ZNF112: variants seen among roughly 807,000 people sequenced by gnomAD.
The protein encoded by ZNF112 is zinc finger protein 112 (Y14).
In ZNF112, 37 loss-of-function variants were observed where a neutral mutation model predicts 77.7. The observed-to-expected ratio is 0.48, with a 90% CI of 0.37 to 0.63. The LOEUF is 0.63. Ranked by LOEUF, ZNF112 falls within the 20% of genes least tolerant of loss-of-function variation. ZNF112 has a pLI of 0.00. For missense variants in ZNF112, 950 were observed against 1,077.4 expected (o/e 0.88, Z 1.66); for synonymous variants, 333 against 363.6 (o/e 0.92, Z 0.96).
intron 1 of ZNF112, among the ~76,000 whole-genome samples, chr19:44,349,627 C>CA (rs928587281): frequency 3.3e-5 from 5 of 151,500 alleles, no homozygotes; most frequent in East Asian, 1.9e-4. Flanking sequence ...AATTTCTTCA[C>CA]AAAAAAAATA....
chr19:44,341,824 C>T (rs1033957629), intron 1 of ZNF112, among the ~76,000 whole-genome samples: 7 of 152,208 alleles, frequency 4.6e-5, no homozygotes, highest in African/African-American at 1.7e-4. Context: ...AACAACTGTT[C>T]AGTCCCATAT....
rs1970216218 is a variant in ZNF112, at chr19:44,329,306, G to A, written c.851C>T (p.Ser284Leu). The A allele has an allele frequency of 5.6e-6, 9 of 1,613,832 alleles. No individual in the cohort carries two copies. Among genetic ancestry groups the A allele is most frequent in the Non-Finnish European group, 7.6e-6 (9 of 1,179,968 alleles). Residue 284 changes from serine to leucine, a missense_variant, in exon 4 of 4, where the codon TCA becomes TTA. By Grantham distance (145) the Ser-to-Leu change is moderately radical (BLOSUM62 -2). Coordinates refer to ENST00000354340, the MANE Select transcript of ZNF112 (RefSeq NM_013380.4). ...ACTATAATTACAGCCCTTTCCACAT[G>A]AACTGTATGTATAGGGCTTCCCTTC... ...HLEGKPYTYS[S>L]CGKGCNYSSL... is the part of the protein sequence containing the mutation.
In ZNF112 at chr19:44,329,873, T is replaced by C. The variant is rs918473895; in HGVS notation, c.284A>G (p.Lys95Arg). The change falls in exon 4 of 4, where the codon AAA becomes AGA. Residue 95 changes from lysine to arginine, a missense_variant. This residue lies in a region of ZNF112 where 560 missense variants were observed against 557.3 expected (regional missense o/e 1.00). Transcript: ENST00000354340. ...CCAGGTCTGACGGGAGGAAAGCTCT[T>C]TGGGGGAAAAGTAGCTTACTGTTAC... Reference protein sequence around the residue: ...QEVTVSYFSPKELSSRQTWQQ... With the variant: ...QEVTVSYFSPRELSSRQTWQQ... 3 of 1,613,820 alleles carry C rather than the reference T, an allele frequency of 1.9e-6. No homozygotes were observed. Among genetic ancestry groups the C allele is most frequent in the South Asian group, 2.2e-5 (2 of 91,072 alleles).
intron 1 of ZNF112, among the ~76,000 whole-genome samples, chr19:44,356,102 C>G (rs1970781604): frequency 6.6e-6 from 1 of 152,192 alleles, no homozygotes; most frequent in African/African-American, 2.4e-5. Flanking sequence ...CAGGGATACT[C>G]TGCAGCTGGA....
chr19:44,330,704 C>T (rs1970254565), intron 3 of ZNF112, among the ~76,000 whole-genome samples: 1 of 152,132 alleles, frequency 6.6e-6, no homozygotes, highest in Non-Finnish European at 1.5e-5. Context: ...CCACTGCACT[C>T]CAGCCTAGGC....
Position 44,351,639 on chromosome 19 carries a change from T to C in ZNF112, c.-4+4987A>G, listed in dbSNP as rs919736694. Among the ~76,000 whole-genome samples, 5 of 152,166 alleles carry C rather than the reference T, an allele frequency of 3.3e-5. No homozygotes were observed. In the East Asian group the frequency reaches 9.6e-4, roughly 29 times the overall value. ...TCTCATTATATAAATACCTAAATAATAGTACTGATATTTCTAGTTAACTGG... is the reference window on the plus strand; with the variant it reads ...TCTCATTATATAAATACCTAAATAACAGTACTGATATTTCTAGTTAACTGG... On this transcript the variant is annotated intron_variant, in intron 1 of 3. Coordinates refer to ENST00000354340, the MANE Select transcript of ZNF112 (RefSeq NM_013380.4).
intron 1 of ZNF112, among the ~76,000 whole-genome samples, chr19:44,352,026 T>C (rs536432601): frequency 1.3e-5 from 2 of 152,198 alleles, no homozygotes; most frequent in South Asian, 4.1e-4. Context: ...CGTGATGTTA[T>C]GGAAAAGGCA....
Position 44,328,830 on chromosome 19 carries a change from C to T in ZNF112, c.1327G>A (p.Gly443Ser). Residue 443 changes from glycine to serine, a missense_variant, in exon 4 of 4, where the codon GGT becomes AGT. Coordinates refer to ENST00000354340, the MANE Select transcript of ZNF112 (RefSeq NM_013380.4). ...TGTGAGGCCAGACTGAAGCCATTAC[C>T]ACACTCCTCAGAATTATATGAATTC... ...EENSYNSEEC[G>S]NGFSLASHFQ... 1.2e-6 allele frequency: 2 copies of T among 1,613,972 alleles called. No individual in the cohort carries two copies. Among genetic ancestry groups the T allele is most frequent in the Non-Finnish European group, 1.7e-6 (2 of 1,179,942 alleles).
In ZNF112 at chr19:44,328,982, T is replaced by C; in HGVS notation, c.1175A>G (p.Gln392Arg). The change falls in exon 4 of 4, where the codon CAG (glutamine) becomes CGG (arginine). Residue 392 changes from glutamine to arginine, a missense_variant. Gln to Arg is a conservative substitution (Grantham distance 43). This residue lies in a region of ZNF112 where 560 missense variants were observed against 557.3 expected (regional missense o/e 1.00). Transcript: ENST00000354340. ...TTGATGGACTTGAAGACATGAACTC[T>C]GATTAAAGACATTCTCATTTTCCTC... ...EYEENENVFN[Q>R]SSCLQVHQKI... The C allele has an allele frequency of 2.5e-6, 4 of 1,614,022 alleles. No homozygotes were observed. The highest frequency in any genetic ancestry group is 3.4e-6 in the Non-Finnish European group (4 of 1,179,984).
At chr19:44,343,058 A>G (rs1241779352) in intron 1 of ZNF112, among the ~76,000 whole-genome samples, 1 of 152,132 alleles carries the variant, frequency 6.6e-6, no homozygotes, top group Non-Finnish European at 1.5e-5. Flanking sequence ...TATTTATGAA[A>G]TAAATAATAA....
In ZNF112 at chr19:44,341,440, C is replaced by A. The variant is rs1970487866; in HGVS notation, c.-3-898G>T. Reference sequence around the variant, plus strand: ...CAATGGCAATGCTGAAGAATAATGACCTTTAAAGTTCTGAAATCATAATGG... The same window carrying A: ...CAATGGCAATGCTGAAGAATAATGAACTTTAAAGTTCTGAAATCATAATGG... On this transcript the variant is annotated intron_variant, in intron 1 of 3. Transcript: ENST00000354340. Among the ~76,000 whole-genome samples the A allele has an allele frequency of 2.0e-5, 3 of 152,236 alleles. No homozygotes were observed. In the South Asian group the frequency reaches 6.2e-4, roughly 32 times the overall value.
chr19:44,345,665 A>G (rs572762414), intron 1 of ZNF112, among the ~76,000 whole-genome samples: 98 of 152,358 alleles, frequency 6.4e-4, no homozygotes, highest in African/African-American at 2.2e-3. Flanking sequence ...TGGTTAAAAC[A>G]AGTGCATAGC....
intron 2 of ZNF112, 69 bp downstream of exon 2, chr19:44,340,347 T>A: frequency 6.4e-7 from 1 of 1,561,636 alleles, no homozygotes; most frequent in Admixed American, 2.1e-5. Flanking sequence ...CTTCAGAGTT[T>A]CTAACAATTG....
intron 1 of ZNF112, among the ~76,000 whole-genome samples, chr19:44,362,594 T>G (rs2571071): frequency 0.16 from 23,989 of 151,586 alleles, 2,301 homozygotes; most frequent in African/African-American, 0.27. Flanking sequence ...TCAAGACATA[T>G]TACAGGCCTT....
At chr19:44,348,297 C>T (rs1380233318) in intron 1 of ZNF112, among the ~76,000 whole-genome samples, 2 of 152,052 alleles carry the variant, frequency 1.3e-5, no homozygotes, top group African/African-American at 4.8e-5. Flanking sequence ...CTCCTCTCCT[C>T]CTGAGACTCC....
intron 1 of ZNF112, among the ~76,000 whole-genome samples, chr19:44,347,215 C>T (rs1161470984): frequency 6.6e-6 from 1 of 152,124 alleles, no homozygotes. Context: ...ATTAATATAG[C>T]CACTCCGTAG....
chr19:44,359,313 T>C (rs1335858591), upstream of ZNF112, among the ~76,000 whole-genome samples: 1 of 132,430 alleles, frequency 7.6e-6, no homozygotes, highest in Non-Finnish European at 1.6e-5. Flanking sequence ...TATATTAGAG[T>C]TCTTTTTTTT....
chr19:44,333,265 G>GTCTTCT (rs961877136), intron 3 of ZNF112, among the ~76,000 whole-genome samples: 11 of 151,904 alleles, frequency 7.2e-5, no homozygotes, highest in Non-Finnish European at 1.3e-4. Flanking sequence ...CTTTGTTTAT[G>GTCTTCT]TCTTCTTCTT....
intron 1 of ZNF112, among the ~76,000 whole-genome samples, chr19:44,365,055 C>A (rs1250008893): frequency 6.6e-6 from 1 of 152,088 alleles, no homozygotes; most frequent in Non-Finnish European, 1.5e-5. Context: ...AAATTCACAT[C>A]TTTACTCTTT....
Sources: gnomAD v4.1 joint callset for allele counts (sites outside exome capture counted in the v4.1 genomes callset) on GRCh38, gnomAD v4.1.1 for gene constraint, gnomAD v4.1.1 regional missense constraint, MANE v1.5 for transcripts, NCBI Gene and HGNC (gene_info 2026-07-23, HGNC 2026-07-21) for gene names.